The following ATXN2 variants were observed in gnomAD, a reference collection of about 807,000 sequenced individuals.
The protein encoded by ATXN2 is ataxin 2.
A neutral mutation model predicts 138.6 loss-of-function variants in ATXN2; 37 were observed. The ratio of observed to expected loss-of-function variants is 0.27; its 90% CI spans 0.21 to 0.35. The LOEUF is 0.35. ATXN2 is among the 10% of genes least tolerant of loss of function. The probability of loss-of-function intolerance (pLI) is 1.00; values close to 1 mark genes in which losing one functional copy is unlikely to be tolerated. For synonymous variants in ATXN2, 549 were observed against 543.7 expected (o/e 1.01, Z -0.13); for missense variants, 1,216 against 1,480.3 (o/e 0.82, Z 2.93).
chr12:111,575,463 T>C (rs1256915514), intron 1 of ATXN2, among the ~76,000 whole-genome samples: 4 of 152,086 alleles, frequency 2.6e-5, no homozygotes, highest in Non-Finnish European at 4.4e-5. Flanking sequence ...TTTACAGACA[T>C]GACCCAGGCC....
chr12:111,539,571 C>T (rs1182290463), intron 5 of ATXN2, among the ~76,000 whole-genome samples: 1 of 149,786 alleles, frequency 6.7e-6, no homozygotes. Flanking sequence ...CACGGTGAAA[C>T]CCCGTCTCTA....
At chr12:111,597,527 G>C (rs759480768) in intron 1 of ATXN2, among the ~76,000 whole-genome samples, 2 of 152,132 alleles carry the variant, frequency 1.3e-5, no homozygotes, top group Non-Finnish European at 2.9e-5. Flanking sequence ...TAAGGACACC[G>C]GCCACAATGG....
intron 21 of ATXN2, 51 bp from the exon 22 acceptor site, chr12:111,457,410 C>T (rs375763505): frequency 6.5e-7 from 1 of 1,549,856 alleles, no homozygotes; most frequent in South Asian, 1.2e-5. Flanking sequence ...TGACAACCTC[C>T]ATCGCTCCTC....
In ATXN2 at chr12:111,471,115, T is replaced by C. The variant is rs938502173; in HGVS notation, c.2525-373A>G. The C allele has an allele frequency of 2.8e-5, 6 of 211,696 alleles. No individual in the cohort carries two copies. The South Asian group carries it at 3.7e-4, about 13-fold the overall frequency. 13.1% of individuals were successfully genotyped at this position (211,696 alleles called of 1,614,324 possible). A position where few individuals can be genotyped will look rare whatever the true frequency, so the allele number is the denominator to read the frequency against. On this transcript the variant is annotated intron_variant, in intron 18 of 24. Transcript: ENST00000673436. Reference sequence around the variant, plus strand: ...TTCTGGGACGGGCACTGCATTCATTTTGAGAAAAACAAAGGCATGACCAAA... The same window carrying C: ...TTCTGGGACGGGCACTGCATTCATTCTGAGAAAAACAAAGGCATGACCAAA...
chr12:111,561,813 G>A (rs546008140), intron 1 of ATXN2, among the ~76,000 whole-genome samples: 1 of 151,710 alleles, frequency 6.6e-6, no homozygotes, highest in Non-Finnish European at 1.5e-5. Flanking sequence ...GCAAGACTCC[G>A]TCTTTCTGTT....
At chr12:111,556,658 A>G (rs1882405072) in intron 1 of ATXN2, among the ~76,000 whole-genome samples, 1 of 151,998 alleles carries the variant, frequency 6.6e-6, no homozygotes, top group Non-Finnish European at 1.5e-5. Context: ...TCTACTAAGA[A>G]TAAAAAAATT....
chr12:111,564,816 T>C (rs939493452), intron 1 of ATXN2: 1 of 152,226 alleles, frequency 6.6e-6, no homozygotes, highest in Non-Finnish European at 1.5e-5. Context: ...TTACTACTTC[T>C]GCATGGGGGC....
intron 1 of ATXN2, among the ~76,000 whole-genome samples, chr12:111,585,616 C>A (rs558500871): frequency 9.2e-5 from 14 of 151,660 alleles, no homozygotes; most frequent in Non-Finnish European, 2.1e-4. Flanking sequence ...ACCAGCCTGG[C>A]CAAAATGGGG....
At chr12:111,561,837 A>G (rs1882705028) in intron 1 of ATXN2, among the ~76,000 whole-genome samples, 1 of 151,724 alleles carries the variant, frequency 6.6e-6, no homozygotes, top group Admixed American at 6.6e-5. Flanking sequence ...TTTGAGACAG[A>G]GTCTACCTCT....
intron 16 of ATXN2, 127 bp from the exon 17 acceptor site, chr12:111,485,992 A>G (rs543244890): frequency 1.3e-6 from 1 of 768,300 alleles, no homozygotes; most frequent in Admixed American, 3.9e-5. Context: ...ATTGAAAACA[A>G]AAACACAGCA....
chr12:111,479,390 TAAAAA>T (rs33967202), intron 18 of ATXN2, among the ~76,000 whole-genome samples: 3 of 49,850 alleles, frequency 6.0e-5, no homozygotes, highest in South Asian at 1.0e-3. Context: ...CCGTCTCTGC[TAAAAA>T]AAAAAAAAAA....
intron 11 of ATXN2, 97 bp from the exon 12 acceptor site, chr12:111,510,679 C>T: frequency 8.7e-7 from 1 of 1,152,672 alleles, no homozygotes; most frequent in Non-Finnish European, 1.2e-6. Flanking sequence ...GTAAATAAAA[C>T]TGTCCTCTCT....
At chr12:111,525,559 T>C (rs1880439879) in intron 5 of ATXN2, among the ~76,000 whole-genome samples, 1 of 152,220 alleles carries the variant, frequency 6.6e-6, no homozygotes, top group African/African-American at 2.4e-5. Context: ...TAAACTGCTA[T>C]CTAAACTGAT....
chr12:111,511,228 G>A (rs574689498), intron 11 of ATXN2: 7 of 150,836 alleles, frequency 4.6e-5, no homozygotes, highest in Middle Eastern at 3.4e-3. Flanking sequence ...AAAATGGTTC[G>A]ATTATTTCAT....
intron 23 of ATXN2, chr12:111,454,236 A>C (rs1874891427): frequency 6.2e-6 from 1 of 162,320 alleles, no homozygotes; most frequent in Admixed American, 6.4e-5. Flanking sequence ...TCAGGCTGCC[A>C]TGTGGGGCCT....
Position 111,552,004 on chromosome 12 carries a change from A to G in ATXN2, c.571+276T>C, listed in dbSNP as rs1164411113. ...CAAGCAATTCTGTCTCAGCCTCCCT[A>G]GTAGCTAGGACTATAGGCGCACGCC... On this transcript the variant is annotated intron_variant, in intron 5 of 24. Transcript: ENST00000673436. This position sits in a 1 kb window ranked among gnomAD's most constrained non-coding sequence, Gnocchi z 4.1. Among the ~76,000 whole-genome samples the G allele has an allele frequency of 6.6e-6, 1 of 151,812 alleles. No homozygotes were observed. The highest frequency in any genetic ancestry group is 1.9e-4 in the East Asian group (1 of 5,182).
chr12:111,549,470 A>G (rs964289320), intron 5 of ATXN2, among the ~76,000 whole-genome samples: 2 of 151,712 alleles, frequency 1.3e-5, no homozygotes, highest in African/African-American at 4.8e-5. Context: ...CAGGAGGCAG[A>G]GGTTGCAGTG....
chr12:111,494,763 C>G (rs893990247), intron 14 of ATXN2, among the ~76,000 whole-genome samples: 3 of 151,058 alleles, frequency 2.0e-5, no homozygotes, highest in Non-Finnish European at 1.5e-5. Flanking sequence ...ACAACAGATA[C>G]ACAAAAAATA....
intron 14 of ATXN2, among the ~76,000 whole-genome samples, chr12:111,499,534 T>C (rs1566026311): frequency 6.6e-6 from 1 of 151,980 alleles, no homozygotes; most frequent in African/African-American, 2.4e-5. Context: ...AGAAATCCCG[T>C]CTCTACTAAA....
Sources: gnomAD v4.1 joint callset for allele counts (sites outside exome capture counted in the v4.1 genomes callset) on GRCh38, gnomAD v4.1.1 for gene constraint, Gnocchi (gnomAD v3.1) non-coding constraint, MANE v1.5 for transcripts, NCBI Gene and HGNC (gene_info 2026-07-23, HGNC 2026-07-21) for gene names.